The following DYDC1 variants were observed in gnomAD, a reference collection of about 807,000 sequenced individuals.
DYDC1 encodes the protein DPY30 domain-containing protein 1.
A neutral mutation model predicts 27.9 loss-of-function variants in DYDC1; 21 were observed. That is an observed-to-expected ratio of 0.75 (90% CI 0.53 to 1.08). The LOEUF is 1.08. Among genes scored for constraint, DYDC1 ranks in the 50% least tolerant of loss-of-function variants. The pLI, the probability that DYDC1 is intolerant of heterozygous loss-of-function variation, is 0.00. For synonymous variants in DYDC1, 67 were observed against 65.8 expected, an observed-to-expected ratio of 1.02 and a Z score of -0.09; for missense variants, 202 against 205.9, an observed-to-expected ratio of 0.98 and a Z score of 0.12.
chr10:80,337,882 G>A (rs978639285), intron 6 of DYDC1, among the ~76,000 whole-genome samples: 4 of 152,188 alleles, frequency 2.6e-5, no homozygotes, highest in South Asian at 4.2e-4. Flanking sequence ...CTGCTGATCC[G>A]GCTCTCATTC....
At chr10:80,339,297 A>T (rs1265643121) in intron 4 of DYDC1, 144 bp from the exon 5 acceptor site, 5 of 371,724 alleles carry the variant, frequency 1.3e-5, no homozygotes, top group African/African-American at 8.4e-5. Context: ...TGATCTGATT[A>T]CACATTACAA....
intron 4 of DYDC1, among the ~76,000 whole-genome samples, 166 bp from the exon 5 acceptor site, chr10:80,339,319 A>G (rs925537179): frequency 2.6e-5 from 4 of 152,216 alleles, no homozygotes; most frequent in Non-Finnish European, 1.5e-5. Context: ...ACTGCAGATC[A>G]CAGTCTTATT....
intron 3 of DYDC1, among the ~76,000 whole-genome samples, chr10:80,347,276 CTTTTTTTTTTTTT>C (rs556362145): frequency 2.0e-4 from 18 of 90,114 alleles, no homozygotes; most frequent in East Asian, 3.2e-4. Flanking sequence ...AATTGGGATC[CTTTTTTTTTTTTT>C]TTTTTTTTTT....
chr10:80,336,031 T>A (rs549271124), downstream of DYDC1: 18 of 650,668 alleles, frequency 2.8e-5, no homozygotes, highest in Non-Finnish European at 2.7e-6. Flanking sequence ...AGCCCATTCA[T>A]AAGCAGTCCT....
intron 4 of DYDC1, among the ~76,000 whole-genome samples, chr10:80,340,740 T>C (rs1455952792): frequency 1.3e-5 from 2 of 152,372 alleles, no homozygotes; most frequent in East Asian, 3.9e-4. Context: ...ATATTTACGA[T>C]GTACATGTGA....
At chr10:80,352,383 A>T in intron 2 of DYDC1, 72 bp downstream of exon 2, 3 of 1,423,532 alleles carry the variant, frequency 2.1e-6, no homozygotes. Flanking sequence ...AATAATGTTA[A>T]ACTTTTTTAA....
At chr10:80,338,256 T>C (rs1157831188) in intron 6 of DYDC1, 1 of 985,342 alleles carries the variant, frequency 1.0e-6, no homozygotes, top group East Asian at 1.1e-4. Flanking sequence ...TACGGAGATA[T>C]AGATAAGCCA....
intron 3 of DYDC1, among the ~76,000 whole-genome samples, chr10:80,348,232 T>C (rs549454904): frequency 8.5e-5 from 13 of 152,332 alleles, no homozygotes; most frequent in African/African-American, 2.9e-4. Flanking sequence ...AATAAGATTG[T>C]TTTCTTGGTT....
At chr10:80,343,996 G>A (rs1842462064) in intron 3 of DYDC1, among the ~76,000 whole-genome samples, 1 of 152,042 alleles carries the variant, frequency 6.6e-6, no homozygotes. Flanking sequence ...GGTGCCTGTA[G>A]TCTCAGCCAC....
At chr10:80,352,239 G>C (rs1843039479) in intron 2 of DYDC1, among the ~76,000 whole-genome samples, 2 of 152,040 alleles carry the variant, frequency 1.3e-5, no homozygotes, top group Admixed American at 1.3e-4. Context: ...TAAATCTATA[G>C]AAAAAAGACT....
intron 6 of DYDC1, chr10:80,337,236 AAG>A: frequency 2.0e-6 from 2 of 985,422 alleles, no homozygotes; most frequent in Non-Finnish European, 2.4e-6. Flanking sequence ...CTGTCCCTCA[AAG>A]AAGCTTCCCC....
At chr10:80,352,696 T>A in intron 1 of DYDC1, 86 bp from the exon 2 acceptor site, 2 of 1,428,716 alleles carry the variant, frequency 1.4e-6, no homozygotes, top group Non-Finnish European at 1.8e-6. Flanking sequence ...GAACAAAGCC[T>A]TACATACACC....
chr10:80,347,487 C>T (rs1317889667), intron 3 of DYDC1, among the ~76,000 whole-genome samples: 1 of 151,982 alleles, frequency 6.6e-6, no homozygotes, highest in Non-Finnish European at 1.5e-5. Context: ...GCTTTTATTG[C>T]CTGTGCTTTT....
chr10:80,336,139 T>C lies in DYDC1; in HGVS notation c.*17A>G. 1 of 1,415,488 alleles carries C rather than the reference T, an allele frequency of 7.1e-7. No homozygotes were observed. Among genetic ancestry groups the C allele is most frequent in the Non-Finnish European group, 9.8e-7 (1 of 1,018,276 alleles). The allele number at this position is 1,415,488 out of a possible 1,614,324, so 87.7% of individuals were successfully genotyped here. A position where few individuals can be genotyped will look rare whatever the true frequency, so the allele number is the denominator to read the frequency against. On this transcript the variant is annotated 3_prime_UTR_variant, in exon 7 of 7. Transcript: ENST00000372202. ...TGAAACAAACAAAAACATTTATTGC[T>C]CTTAGGTTGGTTGGTCCTACAAATC...
At chr10:80,355,269 T>G (rs1843291529) in intron 1 of DYDC1, among the ~76,000 whole-genome samples, 1 of 151,738 alleles carries the variant, frequency 6.6e-6, no homozygotes, top group Non-Finnish European at 1.5e-5. Context: ...TCAGAGACAG[T>G]GACATCCTGG....
At chr10:80,351,845 T>C (rs1564666297) in intron 3 of DYDC1, 56 bp downstream of exon 3, 1 of 1,521,084 alleles carries the variant, frequency 6.6e-7, no homozygotes, top group South Asian at 1.2e-5. Flanking sequence ...GGCTGTGCCA[T>C]GCTGAGGTTG....
chr10:80,353,350 G>A (rs1340501306), intron 1 of DYDC1, among the ~76,000 whole-genome samples: 2 of 151,568 alleles, frequency 1.3e-5, no homozygotes, highest in Non-Finnish European at 1.5e-5. Context: ...TTTTAGTAGA[G>A]ACAGGGTTTC....
intron 4 of DYDC1, 114 bp from the exon 5 acceptor site, chr10:80,339,267 GC>G: frequency 2.4e-6 from 1 of 414,002 alleles, no homozygotes; most frequent in South Asian, 4.9e-5. Flanking sequence ...AAGCAAAAAT[GC>G]TGTCACTCTG....
chr10:80,340,716 A>C (rs1415505860), intron 4 of DYDC1, among the ~76,000 whole-genome samples: 1 of 152,232 alleles, frequency 6.6e-6, no homozygotes, highest in African/African-American at 2.4e-5. Flanking sequence ...TTTTACTGAT[A>C]TAAATAGCTG....
Sources: allele counts gnomAD v4.1 joint callset (sites outside exome capture counted in the v4.1 genomes callset), GRCh38; gene constraint gnomAD v4.1.1; transcripts MANE v1.5; gene names NCBI Gene and HGNC (gene_info 2026-07-23, HGNC 2026-07-21).